The following ZBTB7C variants were observed in gnomAD, a reference collection of about 807,000 sequenced individuals.
ZBTB7C encodes the protein zinc finger and BTB domain containing 7C, also known as zinc finger and BTB domain-containing protein 7C.
ZBTB7C carries 8 observed loss-of-function variants against 25.7 expected under a neutral mutation model. The observed-to-expected ratio is 0.31, with a 90% CI of 0.18 to 0.56. ZBTB7C has a LOEUF of 0.56. Ranked by LOEUF, ZBTB7C falls within the 20% of genes least tolerant of loss-of-function variation. The pLI is 0.91. For missense variants in ZBTB7C, 824 were observed against 855.2 expected, an observed-to-expected ratio of 0.96 and a Z score of 0.46; for synonymous variants, 394 against 369.0, an observed-to-expected ratio of 1.07 and a Z score of -0.78.
intron 3 of ZBTB7C, among the ~76,000 whole-genome samples, chr18:48,093,235 G>C (rs1466731367): frequency 6.6e-6 from 1 of 152,226 alleles, no homozygotes; most frequent in Non-Finnish European, 1.5e-5. Flanking sequence ...CTGATGTGGT[G>C]GTAGGGGGAA....
At chr18:48,290,540 C>T (rs774471502) in intron 2 of ZBTB7C, among the ~76,000 whole-genome samples, 3 of 152,214 alleles carry the variant, frequency 2.0e-5, no homozygotes, top group African/African-American at 7.2e-5. Flanking sequence ...GGGAGCTAAG[C>T]AGAACTGCTC....
At chr18:48,122,491 G>A (rs948992615) in intron 3 of ZBTB7C, among the ~76,000 whole-genome samples, 1 of 152,160 alleles carries the variant, frequency 6.6e-6, no homozygotes, top group African/African-American at 2.4e-5. Context: ...CTGTATAAGA[G>A]GCCTCCAAGC....
At chr18:48,202,056 A>G (rs539487310) in intron 2 of ZBTB7C, among the ~76,000 whole-genome samples, 1 of 152,360 alleles carries the variant, frequency 6.6e-6, no homozygotes, top group East Asian at 1.9e-4. Flanking sequence ...CCACACGTGC[A>G]GGTCAGCGGA....
At chr18:48,044,353 G>A (rs1339390488) in intron 3 of ZBTB7C, among the ~76,000 whole-genome samples, 1 of 152,244 alleles carries the variant, frequency 6.6e-6, no homozygotes, top group African/African-American at 2.4e-5. Flanking sequence ...CATGCTGGAT[G>A]AGGAGAGAAG....
Position 48,141,040 on chromosome 18 carries a change from G to T in ZBTB7C, c.-17+44894C>A, listed in dbSNP as rs73955214. Among the ~76,000 whole-genome samples the T allele has an allele frequency of 8.2e-3, 1,252 of 152,118 alleles. 19 individuals carry two copies. The highest frequency in any genetic ancestry group is 0.029 in the African/African-American group (1,191 of 41,476). The stretch of plus-strand genomic sequence containing the variant: ...AACAGGCATCTGGTCCTGTCATAGG[G>T]CACTCACATGCACTTTAGACTATTC... On this transcript the variant is annotated intron_variant, in intron 3 of 4. Transcript: ENST00000590800.
intron 2 of ZBTB7C, among the ~76,000 whole-genome samples, chr18:48,322,908 G>A (rs1487787903): frequency 6.6e-6 from 1 of 152,214 alleles, no homozygotes; most frequent in Non-Finnish European, 1.5e-5. Context: ...CAACCTGGAT[G>A]GGATTGGAGA....
At chr18:48,354,328 CA>C (rs1285603652) in intron 1 of ZBTB7C, among the ~76,000 whole-genome samples, 13 of 152,110 alleles carry the variant, frequency 8.5e-5, no homozygotes, top group Non-Finnish European at 1.5e-5. Flanking sequence ...TCCAGCTTTA[CA>C]AATAGGTTTC....
At chr18:48,084,738 G>A (rs933394387) in intron 3 of ZBTB7C, among the ~76,000 whole-genome samples, 3 of 152,224 alleles carry the variant, frequency 2.0e-5, no homozygotes, top group African/African-American at 7.2e-5. Flanking sequence ...TCAGGGGTTA[G>A]CATGGGTCTC....
At chr18:48,395,265 ATGTGTGTGTGTGTGTG>A (rs59232482) in intron 1 of ZBTB7C, among the ~76,000 whole-genome samples, 2,828 of 103,594 alleles carry the variant, frequency 0.027, 103 homozygotes, top group African/African-American at 0.057. Context: ...GAGAGAGAGA[ATGTGTGTGTGTGTGTG>A]TGTGTGTGTG....
chr18:48,329,401 CA>C (rs1252969743), intron 2 of ZBTB7C, among the ~76,000 whole-genome samples: 58 of 152,186 alleles, frequency 3.8e-4, no homozygotes, highest in Non-Finnish European at 1.2e-4. Context: ...GCAAAGCTGA[CA>C]GGCAGAGCTA....
intron 2 of ZBTB7C, among the ~76,000 whole-genome samples, chr18:48,275,711 C>G (rs1195253588): frequency 6.6e-6 from 1 of 152,190 alleles, no homozygotes; most frequent in East Asian, 1.9e-4. Context: ...AACTGCTTCG[C>G]ATCATCTTCC....
At chr18:48,325,339 G>A (rs188106885) in intron 2 of ZBTB7C, among the ~76,000 whole-genome samples, 21 of 152,322 alleles carry the variant, frequency 1.4e-4, no homozygotes, top group Admixed American at 5.2e-4. Context: ...AGGTGGGGCC[G>A]TAGCAGCCTG....
At chr18:48,222,491 A>G (rs186941289) in intron 2 of ZBTB7C, among the ~76,000 whole-genome samples, 3 of 151,770 alleles carry the variant, frequency 2.0e-5, no homozygotes, top group Non-Finnish European at 4.4e-5. Flanking sequence ...AAGCGTTTCA[A>G]TTCTCTCCCT....
chr18:48,242,030 C>T (rs1461197358), intron 2 of ZBTB7C, among the ~76,000 whole-genome samples: 1 of 152,002 alleles, frequency 6.6e-6, no homozygotes, highest in Non-Finnish European at 1.5e-5. Context: ...CAACCGATAC[C>T]ACAGAAATGC....
At chr18:48,370,657 G>GA (rs1000012436) in intron 1 of ZBTB7C, among the ~76,000 whole-genome samples, 18 of 151,068 alleles carry the variant, frequency 1.2e-4, no homozygotes, top group Admixed American at 4.0e-4. Flanking sequence ...TAATCTTAAT[G>GA]AAAAAAAAAT....
rs191461859 is a variant in ZBTB7C, at chr18:48,383,485, C to A, written c.-304+25741G>T. 9.2e-4 allele frequency among the ~76,000 whole-genome samples: 140 copies of A among 152,124 alleles called. 1 individual carries two copies. Among genetic ancestry groups the A allele is most frequent in the Admixed American group, 7.5e-3 (115 of 15,280 alleles). On this transcript the variant is annotated intron_variant, in intron 1 of 4. Coordinates refer to ENST00000590800, the MANE Select transcript of ZBTB7C (RefSeq NM_001318841.2). Reference sequence around the variant, plus strand: ...TTCACCATGTTGGCCAGGCTGGTCTCGAACTCCTGAGTTCAAGTGATCCGC... The same window carrying A: ...TTCACCATGTTGGCCAGGCTGGTCTAGAACTCCTGAGTTCAAGTGATCCGC...
At chr18:48,226,731 A>G (rs1248258778) in intron 2 of ZBTB7C, among the ~76,000 whole-genome samples, 1 of 152,134 alleles carries the variant, frequency 6.6e-6, no homozygotes, top group Non-Finnish European at 1.5e-5. Flanking sequence ...GTTAGGAGTT[A>G]GGTATTCGAC....
chr18:48,214,001 C>A (rs1036647176), intron 2 of ZBTB7C, among the ~76,000 whole-genome samples: 2 of 152,182 alleles, frequency 1.3e-5, no homozygotes, highest in African/African-American at 4.8e-5. Context: ...GCCTGCCTTG[C>A]GGTGAGAGCG....
At chr18:48,395,865 G>T (rs2048019115) in intron 1 of ZBTB7C, among the ~76,000 whole-genome samples, 1 of 152,136 alleles carries the variant, frequency 6.6e-6, no homozygotes, top group South Asian at 2.1e-4. Flanking sequence ...CTATACAGAT[G>T]CAGGGTCTTA....
Sources: gnomAD v4.1 joint callset for allele counts (sites outside exome capture counted in the v4.1 genomes callset) on GRCh38, gnomAD v4.1.1 for gene constraint, MANE v1.5 for transcripts, NCBI Gene and HGNC (gene_info 2026-07-23, HGNC 2026-07-21) for gene names.